The following PPP4R1 variants were observed in gnomAD, a reference collection of about 807,000 sequenced individuals.
PPP4R1 encodes serine/threonine-protein phosphatase 4 regulatory subunit 1.
Under a neutral mutation model 111.2 loss-of-function variants are expected in PPP4R1, and 42 were observed. That is an observed-to-expected ratio of 0.38 (90% CI 0.29 to 0.49). The LOEUF (loss-of-function observed/expected upper bound fraction) is 0.49. Among genes scored for constraint, PPP4R1 ranks in the 20% least tolerant of loss-of-function variants. PPP4R1 has a pLI of 0.97. For synonymous variants in PPP4R1, 409 were observed against 405.5 expected (o/e 1.01, Z -0.10); for missense variants, 1,012 against 1,161.6 (o/e 0.87, Z 1.87).
At position 9,583,115 on chromosome 18, in the gene PPP4R1, A is replaced by C; in HGVS notation, c.918+2T>G. 6.2e-7 allele frequency: 1 copy of C among 1,604,226 alleles called. No individual in the cohort carries two copies. ...TTACAAAAGTGATAATCAAAACCCT[A>C]CCCAACGTGAAGGATCACTGATCAA... On this transcript the variant is annotated splice_donor_variant, in intron 9 of 19. Coordinates refer to ENST00000400556, the MANE Select transcript of PPP4R1 (RefSeq NM_001042388.3). LOFTEE classifies it high-confidence loss of function.
chr18:9,582,885 A>C (rs1343876756), intron 9 of PPP4R1, among the ~76,000 whole-genome samples: 1 of 152,230 alleles, frequency 6.6e-6, no homozygotes, highest in African/African-American at 2.4e-5. Context: ...AACATAATAC[A>C]TCATGCCAAT....
intron 12 of PPP4R1, 173 bp downstream of exon 12, chr18:9,563,205 T>C (rs1359665547): frequency 8.4e-7 from 1 of 1,186,318 alleles, no homozygotes; most frequent in Non-Finnish European, 1.1e-6. Context: ...ATGACACTAA[T>C]GTCACGAGGA....
intron 12 of PPP4R1, chr18:9,562,931 CCA>C: frequency 1.0e-6 from 1 of 993,902 alleles, no homozygotes; most frequent in Non-Finnish European, 1.2e-6. Context: ...CCCTCACACT[CCA>C]GAGTCCAGAT....
intron 10 of PPP4R1, among the ~76,000 whole-genome samples, chr18:9,574,205 G>C (rs1483952905): frequency 1.3e-5 from 2 of 152,150 alleles, no homozygotes; most frequent in Non-Finnish European, 2.9e-5. Context: ...AAGAGCACCA[G>C]AGGACAGTCC....
At chr18:9,594,024 C>T (rs1287312554) in intron 3 of PPP4R1, 150 bp from the exon 4 acceptor site, 5 of 625,806 alleles carry the variant, frequency 8.0e-6, no homozygotes, top group South Asian at 7.3e-5. Context: ...ACTTCCCTGG[C>T]TCAGGTAATC....
In PPP4R1 at chr18:9,614,326, GCCCCC is replaced by G; in HGVS notation, c.8-61_8-57del. On this transcript the variant is annotated intron_variant, in intron 1 of 19. Transcript: ENST00000400556. The surrounding 1 kb of genome is among the most constrained non-coding windows in gnomAD (Gnocchi z 4.1). The stretch of plus-strand genomic sequence containing the variant: ...TCAGCGCCCCGGGGCCCGGCGCGAC[GCCCCC>G]CCCCCGCCCGCCTCCCCCCCGCCCC... The G allele has an allele frequency of 3.2e-6, 3 of 949,906 alleles. No individual in the cohort carries two copies. Among genetic ancestry groups the G allele is most frequent in the Non-Finnish European group, 3.9e-6 (3 of 777,414 alleles). 58.8% of individuals were successfully genotyped at this position (949,906 alleles called of 1,614,324 possible).
Position 9,550,262 on chromosome 18 carries a change from A to G in PPP4R1, c.2412+16T>C. 1 of 1,613,734 alleles carries G rather than the reference A, an allele frequency of 6.2e-7. No homozygotes were observed. ...TAGAGTTTGCTGATCTAAAATTTTAAAAGTTCAATACATACCAACTTGTAG... is the reference window on the plus strand; with the variant it reads ...TAGAGTTTGCTGATCTAAAATTTTAGAAGTTCAATACATACCAACTTGTAG... On this transcript the variant is annotated intron_variant, in intron 17 of 19. Transcript: ENST00000400556.
intron 16 of PPP4R1, among the ~76,000 whole-genome samples, chr18:9,552,462 T>A (rs753166943): frequency 2.0e-5 from 3 of 152,190 alleles, no homozygotes; most frequent in Non-Finnish European, 2.9e-5. Flanking sequence ...ACCTCACAAA[T>A]ATGCACAATT....
In PPP4R1 at chr18:9,614,262, G is replaced by A. The variant is rs1250987279; in HGVS notation, c.16C>T (p.Leu6=). The stretch of plus-strand genomic sequence containing the variant: ...TCCTCCTGCAGGTCCTCCTGAAGCA[G>A]CGAGAGGTCTGCGCCGAGGGGAGAG... The part of the protein sequence containing the change: MADLS[L]LQEDLQEDAD... The change falls in exon 2 of 20, where the codon CTG becomes TTG. Residue 6 remains leucine (L), a synonymous_variant. Transcript: ENST00000400556. The surrounding 1 kb of genome is among the most constrained non-coding windows in gnomAD (Gnocchi z 4.1). The A allele has an allele frequency of 7.4e-7, 1 of 1,348,138 alleles. No individual in the cohort carries two copies. Among genetic ancestry groups the A allele is most frequent in the Non-Finnish European group, 9.6e-7 (1 of 1,036,672 alleles). The allele number at this position is 1,348,138 out of a possible 1,614,324, so 83.5% of individuals were successfully genotyped here.
chr18:9,579,797 T>C, intron 9 of PPP4R1, among the ~76,000 whole-genome samples: 1 of 152,218 alleles, frequency 6.6e-6, no homozygotes, highest in East Asian at 1.9e-4. Flanking sequence ...ATTTACAGTG[T>C]ACAGGAGGAT....
At chr18:9,563,318 A>G in intron 12 of PPP4R1, 60 bp downstream of exon 12, 1 of 1,477,318 alleles carries the variant, frequency 6.8e-7, no homozygotes, top group Non-Finnish European at 9.1e-7. Context: ...ACTATTCCCC[A>G]ATGAAAGACT....
In PPP4R1 at chr18:9,570,405, G is replaced by C; in HGVS notation, c.1325C>G (p.Ser442Ter). 6.2e-7 allele frequency: 1 copy of C among 1,614,100 alleles called. No homozygotes were observed. Among genetic ancestry groups the C allele is most frequent in the Non-Finnish European group, 8.5e-7 (1 of 1,179,996 alleles). The change falls in exon 11 of 20, where the codon TCA (serine) becomes TGA (stop). Residue 442 changes from serine to a stop codon, truncating the protein, a stop_gained. Transcript: ENST00000400556. LOFTEE classifies it high-confidence loss of function. ...SMLRPEVGTT[S>*]QDSALLDQEL... ...CTGATCTAAGAGAGCTGAATCTTGT[G>C]AAGTGGTGCCAACCTCTGGTCGTAA...
In PPP4R1 at chr18:9,593,813, A is replaced by C; in HGVS notation, c.250T>G (p.Cys84Gly). The C allele has an allele frequency of 6.2e-7, 1 of 1,613,932 alleles. No individual in the cohort carries two copies. The highest frequency in any genetic ancestry group is 8.5e-7 in the Non-Finnish European group (1 of 1,179,932). Residue 84 changes from cysteine to glycine, a missense_variant, in exon 4 of 20, where the codon TGT becomes GGT. By Grantham distance (159) the Cys-to-Gly change is radical (BLOSUM62 -3). Around this residue, in one of 2 missense-constraint regions of PPP4R1, gnomAD observed 707 missense variants for 742.1 expected, o/e 0.95. Transcript: ENST00000400556. ...LREVCDDERD[C>G]IAVLERISRL... Reference sequence around the variant, plus strand: ...CTAATTCTTTCCAAAACAGCAATACAATCTCTTTCATCATCGCAGACTTCC... The same window carrying C: ...CTAATTCTTTCCAAAACAGCAATACCATCTCTTTCATCATCGCAGACTTCC...
At chr18:9,557,849 G>C (rs746911026) in intron 14 of PPP4R1, among the ~76,000 whole-genome samples, 5 of 152,032 alleles carry the variant, frequency 3.3e-5, no homozygotes, top group Non-Finnish European at 5.9e-5. Context: ...ACATGCCGAC[G>C]TACTGAGGCT....
intron 9 of PPP4R1, among the ~76,000 whole-genome samples, 191 bp from the exon 10 acceptor site, chr18:9,577,382 T>C (rs1210604057): frequency 6.6e-6 from 1 of 152,218 alleles, no homozygotes. Context: ...CTATTTTCTC[T>C]GGCTGGGCGC....
At chr18:9,593,243 C>T (rs891357136) in intron 4 of PPP4R1, among the ~76,000 whole-genome samples, 5 of 152,086 alleles carry the variant, frequency 3.3e-5, no homozygotes, top group Admixed American at 3.3e-4. Context: ...TTTACTACAA[C>T]AAAAGATATA....
At position 9,588,194 on chromosome 18, in the gene PPP4R1, C is replaced by T. The variant is rs765437072; in HGVS notation, c.480G>A (p.Glu160=). 6.2e-7 allele frequency: 1 copy of T among 1,614,150 alleles called. No homozygotes were observed. The highest frequency in any genetic ancestry group is 1.1e-5 in the South Asian group (1 of 91,076). Residue 160 remains glutamate, a synonymous_variant, in exon 6 of 20, where the codon GAG becomes GAA. Coordinates refer to ENST00000400556, the MANE Select transcript of PPP4R1 (RefSeq NM_001042388.3). The stretch of plus-strand genomic sequence containing the variant: ...CATCAAATCGTTCAATGAGCTCCTG[C>T]TCCAACAGAGCCAGCAAAGCTGCCT... ...TSQAALLALL[E]QELIERFDVE...
intron 11 of PPP4R1, among the ~76,000 whole-genome samples, 182 bp downstream of exon 11, chr18:9,569,975 C>T (rs566468903): frequency 6.6e-6 from 1 of 152,064 alleles, no homozygotes; most frequent in Non-Finnish European, 1.5e-5. Context: ...GTCTCAACCT[C>T]CTGGTCTCAA....
At chr18:9,561,901 G>A (rs1240309785) in intron 13 of PPP4R1, 79 bp downstream of exon 13, 15 of 1,165,648 alleles carry the variant, frequency 1.3e-5, no homozygotes, top group Non-Finnish European at 1.8e-5. Flanking sequence ...ATAAAGAAGG[G>A]GCAAATTAGG....
Sources: allele counts gnomAD v4.1 joint callset (sites outside exome capture counted in the v4.1 genomes callset), GRCh38; gene constraint gnomAD v4.1.1; regional missense constraint gnomAD v4.1.1; non-coding constraint Gnocchi (gnomAD v3.1); transcripts MANE v1.5; gene names NCBI Gene and HGNC (gene_info 2026-07-23, HGNC 2026-07-21).